The following NLGN4Y variants were observed in gnomAD, a reference collection of about 807,000 sequenced individuals.
The protein encoded by NLGN4Y is neuroligin 4 Y-linked.
NLGN4Y carries 4 observed loss-of-function variants against 8.4 expected under a neutral mutation model. The observed-to-expected ratio is 0.48, with a 90% CI of 0.23 to 1.09. The LOEUF is 1.09. Among genes scored for constraint, NLGN4Y ranks in the 50% least tolerant of loss-of-function variants. NLGN4Y has a pLI of 0.19. For missense variants in NLGN4Y, 90 were observed against 192.3 expected, an observed-to-expected ratio of 0.47 and a Z score of 3.15; for synonymous variants, 35 against 75.6, an observed-to-expected ratio of 0.46 and a Z score of 2.78.
intron 2 of NLGN4Y, among the ~76,000 whole-genome samples, chrY:14,707,142 G>A: frequency 1.2e-4 from 1 of 8,676 alleles, no homozygotes; most frequent in Non-Finnish European, 2.4e-4. Flanking sequence ...TATCTGTAGC[G>A]GTCTATATAT....
chrY:14,741,066 C>T, intron 4 of NLGN4Y, among the ~76,000 whole-genome samples: 3 of 32,942 alleles, frequency 9.1e-5, no homozygotes, highest in South Asian at 6.8e-4. Flanking sequence ...AATGACAGTA[C>T]GGCTGAGGTA....
At chrY:14,547,280 C>A in intron 1 of NLGN4Y, among the ~76,000 whole-genome samples, 1 of 33,288 alleles carries the variant, frequency 3.0e-5, no homozygotes, top group South Asian at 6.8e-4. Flanking sequence ...TACATGAGAC[C>A]TTAACAGCTG....
At chrY:14,598,013 C>T (rs961275336) in intron 1 of NLGN4Y, among the ~76,000 whole-genome samples, 1 of 31,175 alleles carries the variant, frequency 3.2e-5, no homozygotes. Flanking sequence ...GATACAGTGT[C>T]GATTGGTGCA....
intron 4 of NLGN4Y, among the ~76,000 whole-genome samples, chrY:14,820,459 G>A: frequency 3.0e-5 from 1 of 32,919 alleles, no homozygotes; most frequent in Non-Finnish European, 7.5e-5. Flanking sequence ...TATAATTTCT[G>A]AGGCTCCCCT....
At chrY:14,781,193 G>A (rs2042943057) in intron 4 of NLGN4Y, among the ~76,000 whole-genome samples, 1 of 33,708 alleles carries the variant, frequency 3.0e-5, no homozygotes, top group East Asian at 7.9e-4. Context: ...ATTTGAGGCA[G>A]GTAGTACTCC....
At chrY:14,544,754 AT>A (rs754584579) in intron 1 of NLGN4Y, among the ~76,000 whole-genome samples, 1 of 27,742 alleles carries the variant, frequency 3.6e-5, no homozygotes, top group Non-Finnish European at 8.6e-5. Flanking sequence ...AACCGCAAAC[AT>A]TTTTTTTTCC....
intron 2 of NLGN4Y, among the ~76,000 whole-genome samples, chrY:14,667,036 A>T (rs779100218): frequency 3.1e-5 from 1 of 32,214 alleles, no homozygotes; most frequent in South Asian, 7.2e-4. Context: ...GTTGTCAATG[A>T]CTGTCTTTAG....
rs2080918475 is a variant in NLGN4Y, at chrY:14,717,237, C to CA, written c.473-2215dup. Among the ~76,000 whole-genome samples, 7 of 33,347 alleles carry CA rather than the reference C, an allele frequency of 2.1e-4. No homozygotes were observed. The South Asian group carries it at 4.7e-3, about 23-fold the overall frequency. The allele number at this position is 33,347 out of a possible 37,273, so 89.5% of individuals were successfully genotyped here. A position where few individuals can be genotyped will look rare whatever the true frequency, so the allele number is the denominator to read the frequency against. ...TGAAACCCCGTCTCTACTAAAAATA[C>CA]AAAAAAATTAGCCGGTCATGGTGGA... On this transcript the variant is annotated intron_variant, in intron 2 of 6. Transcript: ENST00000684976.
intron 4 of NLGN4Y, among the ~76,000 whole-genome samples, chrY:14,776,354 T>A: frequency 6.5e-5 from 2 of 30,869 alleles, no homozygotes; most frequent in Non-Finnish European, 1.5e-4. Flanking sequence ...TAGCTATATA[T>A]AACATATTTG....
chrY:14,555,687 T>A (rs2080208448), intron 1 of NLGN4Y, among the ~76,000 whole-genome samples: 6 of 33,674 alleles, frequency 1.8e-4, no homozygotes, highest in Admixed American at 1.6e-3. Context: ...TTTCAAAATG[T>A]TCTAGAGCTC....
intron 2 of NLGN4Y, among the ~76,000 whole-genome samples, chrY:14,655,553 C>T (rs754584940): frequency 8.8e-4 from 29 of 32,887 alleles, no homozygotes; most frequent in African/African-American, 3.4e-3. Flanking sequence ...GTGCTCTCCA[C>T]TTCAACAATT....
chrY:14,712,876 C>A (rs1020160787), intron 2 of NLGN4Y, among the ~76,000 whole-genome samples: 16 of 33,626 alleles, frequency 4.8e-4, no homozygotes, highest in Admixed American at 1.1e-3. Flanking sequence ...AGATCAGTCA[C>A]CTCCTAGCTG....
intron 1 of NLGN4Y, among the ~76,000 whole-genome samples, chrY:14,598,651 C>T: frequency 3.1e-5 from 1 of 32,227 alleles, no homozygotes; most frequent in South Asian, 7.2e-4. Flanking sequence ...TCCCACAGTG[C>T]AGTGGGGGTA....
chrY:14,653,734 G>C, intron 2 of NLGN4Y, among the ~76,000 whole-genome samples: 1 of 33,574 alleles, frequency 3.0e-5, no homozygotes, highest in South Asian at 6.6e-4. Context: ...ATTTTTAGTA[G>C]AGGTGGGGTT....
At chrY:14,723,425 C>T (rs2080945341) in intron 4 of NLGN4Y, among the ~76,000 whole-genome samples, 156 bp downstream of exon 4, 1 of 33,161 alleles carries the variant, frequency 3.0e-5, no homozygotes, top group African/African-American at 1.2e-4. Flanking sequence ...ATGTTTTTTC[C>T]TTTTATTACC....
chrY:14,729,074 AAACACATCTGTGTGTATTC>A (rs2080963686), intron 4 of NLGN4Y, among the ~76,000 whole-genome samples: 2 of 33,538 alleles, frequency 6.0e-5, no homozygotes, highest in Non-Finnish European at 7.4e-5. Flanking sequence ...TAACTTTTAA[AAACACATCTGTGTGTATTC>A]ACATATTCTT....
chrY:14,607,586 G>A, intron 1 of NLGN4Y, among the ~76,000 whole-genome samples: 1 of 33,838 alleles, frequency 3.0e-5, no homozygotes, highest in African/African-American at 1.2e-4. Flanking sequence ...AGTATTCCAT[G>A]GTGTATGTGT....
chrY:14,534,970 T>G (rs925051558), intron 1 of NLGN4Y, among the ~76,000 whole-genome samples: 10 of 33,476 alleles, frequency 3.0e-4, no homozygotes, highest in Non-Finnish European at 5.9e-4. Flanking sequence ...TGTAGTTCAA[T>G]TTTAACTCCT....
chrY:14,755,402 T>C (rs2081053395), intron 4 of NLGN4Y, among the ~76,000 whole-genome samples: 1 of 34,049 alleles, frequency 2.9e-5, no homozygotes, highest in African/African-American at 1.1e-4. Flanking sequence ...TCTATTTGGG[T>C]CTCATTATAT....
Sources: gnomAD v4.1 joint callset for allele counts (sites outside exome capture counted in the v4.1 genomes callset) on GRCh38, gnomAD v4.1.1 for gene constraint, MANE v1.5 for transcripts, NCBI Gene and HGNC (gene_info 2026-07-23, HGNC 2026-07-21) for gene names.